HSPA4: variants seen among roughly 807,000 people sequenced by gnomAD.
The protein encoded by HSPA4 is heat shock protein family A (Hsp70) member 4.
HSPA4 carries 25 observed loss-of-function variants against 106.2 expected under a neutral mutation model. That is an observed-to-expected ratio of 0.24 (90% CI 0.17 to 0.33). The LOEUF is 0.33. Among genes scored for constraint, HSPA4 ranks in the 10% least tolerant of loss-of-function variants. The pLI is 1.00. For synonymous variants in HSPA4, 332 were observed against 333.6 expected (o/e 1.00, Z 0.05); for missense variants, 841 against 996.0 (o/e 0.84, Z 2.10).
intron 7 of HSPA4, among the ~76,000 whole-genome samples, chr5:133,078,635 CAAAAAAA>C (rs57393822): frequency 7.2e-4 from 57 of 79,576 alleles, no homozygotes; most frequent in African/African-American, 2.2e-3. Context: ...ACACTGTCTC[CAAAAAAA>C]AAAAAAAAAA....
At chr5:133,071,435 G>A (rs1765379996) in intron 4 of HSPA4, among the ~76,000 whole-genome samples, 1 of 152,062 alleles carries the variant, frequency 6.6e-6, no homozygotes, top group Non-Finnish European at 1.5e-5. Flanking sequence ...ACAACAGACT[G>A]AGACCCTGTC....
intron 15 of HSPA4, 148 bp from the exon 16 acceptor site, chr5:133,099,397 T>C (rs1320587523): frequency 2.9e-6 from 1 of 350,004 alleles, no homozygotes; most frequent in Non-Finnish European, 5.4e-6. Context: ...CCTCCCAAAG[T>C]GCTGGGATTA....
chr5:133,073,221 T>G lies in HSPA4; in HGVS notation c.430-9T>G. The G allele has an allele frequency of 6.4e-7, 1 of 1,551,088 alleles. No individual in the cohort carries two copies. Among genetic ancestry groups the G allele is most frequent in the South Asian group, 1.2e-5 (1 of 84,360 alleles). ...ATAATACAGTAAGCATTCTTTTTTTTTTTTGTAGGTTCCTTGTTTCTATAC... is the reference window on the plus strand; with the variant it reads ...ATAATACAGTAAGCATTCTTTTTTTGTTTTGTAGGTTCCTTGTTTCTATAC... On this transcript the variant is annotated splice_polypyrimidine_tract_variant and intron_variant, in intron 4 of 18. Transcript: ENST00000304858.
chr5:133,069,606 GC>G (rs1274624744), intron 3 of HSPA4, among the ~76,000 whole-genome samples: 2 of 152,156 alleles, frequency 1.3e-5, no homozygotes, highest in South Asian at 4.1e-4. Context: ...TGTTCTAGGT[GC>G]TGGAGCTATG....
rs774275528 is a variant in HSPA4, at chr5:133,073,204, G to T, written c.430-26G>T. The T allele has an allele frequency of 2.1e-6, 3 of 1,396,648 alleles. No individual in the cohort carries two copies. In the South Asian group the frequency reaches 3.7e-5, roughly 17 times the overall value. The allele number at this position is 1,396,648 out of a possible 1,614,324, so 86.5% of individuals were successfully genotyped here. A position where few individuals can be genotyped will look rare whatever the true frequency, so the allele number is the denominator to read the frequency against. On this transcript the variant is annotated intron_variant, in intron 4 of 18. Transcript: ENST00000304858. Reference sequence around the variant, plus strand: ...AACTAAAATTAGAATCTATAATACAGTAAGCATTCTTTTTTTTTTTTGTAG... The same window carrying T: ...AACTAAAATTAGAATCTATAATACATTAAGCATTCTTTTTTTTTTTTGTAG...
At chr5:133,069,856 T>A (rs1398809696) in intron 3 of HSPA4, among the ~76,000 whole-genome samples, 1 of 152,116 alleles carries the variant, frequency 6.6e-6, no homozygotes, top group East Asian at 1.9e-4. Context: ...CATCTCCAAG[T>A]ATCGTGTTTG....
intron 6 of HSPA4, among the ~76,000 whole-genome samples, chr5:133,075,846 AATAAAG>A (rs1322245119): frequency 6.6e-6 from 1 of 150,810 alleles, no homozygotes; most frequent in African/African-American, 2.5e-5. Flanking sequence ...AAGAAAAAAA[AATAAAG>A]AAAAGTTACT....
intron 17 of HSPA4, among the ~76,000 whole-genome samples, chr5:133,103,368 CTT>C: frequency 6.7e-6 from 1 of 148,616 alleles, no homozygotes; most frequent in East Asian, 2.1e-4. Context: ...GAAAGGCCTT[CTT>C]CTTCTTTTTT....
At chr5:133,071,284 C>CAA (rs755520266) in intron 4 of HSPA4, among the ~76,000 whole-genome samples, 86 of 62,068 alleles carry the variant, frequency 1.4e-3, no homozygotes, top group East Asian at 0.01. Context: ...CTGTCTTTAC[C>CAA]AAAAAAAAAA....
intron 13 of HSPA4, among the ~76,000 whole-genome samples, chr5:133,093,041 G>A (rs556458875): frequency 6.7e-6 from 1 of 149,720 alleles, no homozygotes; most frequent in African/African-American, 2.5e-5. Context: ...GTGTTGGCTA[G>A]GCAGGTCTCG....
chr5:133,098,009 C>T (rs1765736573), intron 15 of HSPA4, among the ~76,000 whole-genome samples: 1 of 151,360 alleles, frequency 6.6e-6, no homozygotes, highest in Non-Finnish European at 1.5e-5. Flanking sequence ...TTTGGTGCAC[C>T]TGTCATCCAC....
At chr5:133,091,495 T>G in intron 12 of HSPA4, 121 bp downstream of exon 12, 3 of 671,202 alleles carry the variant, frequency 4.5e-6, no homozygotes, top group Non-Finnish European at 7.5e-6. Flanking sequence ...GAGAGTGGGT[T>G]TGTATGTTTG....
At chr5:133,070,317 C>G (rs1765365182) in intron 3 of HSPA4, 57 bp from the exon 4 acceptor site, 10 of 1,533,332 alleles carry the variant, frequency 6.5e-6, no homozygotes, top group Middle Eastern at 3.4e-4. Context: ...GCTTTTAGGA[C>G]TAGGACATGA....
chr5:133,071,032 A>G (rs1297538152), intron 4 of HSPA4, among the ~76,000 whole-genome samples: 1 of 152,112 alleles, frequency 6.6e-6, no homozygotes, highest in African/African-American at 2.4e-5. Context: ...CATTCATCTC[A>G]GCCTGCCCAC....
At chr5:133,065,089 T>A in intron 2 of HSPA4, 52 bp downstream of exon 2, 1 of 1,499,832 alleles carries the variant, frequency 6.7e-7, no homozygotes, top group Non-Finnish European at 9.3e-7. Context: ...TTCATCCATG[T>A]GTTCAGCAAG....
chr5:133,072,053 A>G (rs1337148545), intron 4 of HSPA4, among the ~76,000 whole-genome samples: 1 of 152,116 alleles, frequency 6.6e-6, no homozygotes, highest in Non-Finnish European at 1.5e-5. Flanking sequence ...TATGTAAAAT[A>G]TTGGAATGCG....
At position 133,089,597 on chromosome 5, in the gene HSPA4, C is replaced by G; in HGVS notation, c.1280C>G (p.Pro427Arg). Residue 427 changes from proline (P) to arginine (R), a missense_variant, in exon 11 of 19, where the codon CCT becomes CGT. Transcript: ENST00000304858. The stretch of plus-strand genomic sequence containing the variant: ...GTCTTTTCCAAAAATCATGCTGCTC[C>G]TTTCTCTAAAGTTCTTACATTTTAT... ...CEVFSKNHAA[P>R]FSKVLTFYRK... 6.2e-7 allele frequency: 1 copy of G among 1,613,416 alleles called. No individual in the cohort carries two copies. Among genetic ancestry groups the G allele is most frequent in the Non-Finnish European group, 8.5e-7 (1 of 1,179,474 alleles).
chr5:133,087,616 A>G (rs1231298096), intron 8 of HSPA4, among the ~76,000 whole-genome samples: 1 of 152,062 alleles, frequency 6.6e-6, no homozygotes, highest in African/African-American at 2.4e-5. Context: ...CCTGTAGTTT[A>G]TTTTTTATTT....
At chr5:133,072,779 A>G (rs1765401177) in intron 4 of HSPA4, among the ~76,000 whole-genome samples, 1 of 152,158 alleles carries the variant, frequency 6.6e-6, no homozygotes, top group Non-Finnish European at 1.5e-5. Context: ...TCCAACTCCC[A>G]GAAGGAAAGC....
Sources: gnomAD v4.1 joint callset for allele counts (sites outside exome capture counted in the v4.1 genomes callset) on GRCh38, gnomAD v4.1.1 for gene constraint, MANE v1.5 for transcripts, NCBI Gene and HGNC (gene_info 2026-07-23, HGNC 2026-07-21) for gene names.